Variants in DAB1 observed in about 807,000 individuals in gnomAD.
DAB1 encodes disabled homolog 1.
In DAB1, 15 loss-of-function variants were observed where a neutral mutation model predicts 64.6. The observed-to-expected ratio is 0.23, with a 90% confidence interval of 0.16 to 0.36. DAB1 has a LOEUF of 0.36. Among genes scored for constraint, DAB1 ranks in the 10% least tolerant of loss-of-function variants. DAB1 has a pLI of 1.00. For missense variants in DAB1, 596 were observed against 706.7 expected (o/e 0.84, Z 1.78); for synonymous variants, 235 against 251.9 (o/e 0.93, Z 0.64).
At chr1:58,109,928 CTG>C (rs1204680470) in intron 5 of DAB1, among the ~76,000 whole-genome samples, 5 of 152,182 alleles carry the variant, frequency 3.3e-5, no homozygotes, top group Non-Finnish European at 5.9e-5. Flanking sequence ...CTCTCCTACA[CTG>C]TGATATGTGA....
intron 3 of DAB1, among the ~76,000 whole-genome samples, chr1:58,490,715 G>A (rs931049031): frequency 4.0e-4 from 60 of 151,010 alleles, no homozygotes; most frequent in Non-Finnish European, 6.3e-4. Flanking sequence ...ACCCACAAAG[G>A]GAAGCCCATC....
chr1:57,013,966 A>G (rs977865110), intron 12 of DAB1, among the ~76,000 whole-genome samples: 2 of 152,220 alleles, frequency 1.3e-5, no homozygotes, highest in African/African-American at 2.4e-5. Context: ...TGAGTCTCAG[A>G]GAAGTCATAC....
chr1:57,236,165 G>A (rs1367032419), intron 2 of DAB1, among the ~76,000 whole-genome samples: 1 of 152,100 alleles, frequency 6.6e-6, no homozygotes. Context: ...TTTGGCCTAG[G>A]GAGATAGTTT....
At chr1:58,162,433 TCA>T (rs1317073976) in intron 4 of DAB1, among the ~76,000 whole-genome samples, 1 of 152,158 alleles carries the variant, frequency 6.6e-6, no homozygotes, top group Non-Finnish European at 1.5e-5. Flanking sequence ...TATAATTACA[TCA>T]GTTTTCATTG....
At chr1:57,516,474 T>G (rs1644465123) in intron 7 of DAB1, among the ~76,000 whole-genome samples, 1 of 152,206 alleles carries the variant, frequency 6.6e-6, no homozygotes, top group Non-Finnish European at 1.5e-5. Context: ...TTTCAAATTT[T>G]TCTAAAGCTT....
At chr1:57,089,274 C>T (rs1302219757) in intron 4 of DAB1, among the ~76,000 whole-genome samples, 1 of 152,138 alleles carries the variant, frequency 6.6e-6, no homozygotes, top group African/African-American at 2.4e-5. Context: ...TTACCTAGAA[C>T]GTATCCTGGT....
At chr1:57,599,498 G>T (rs1007029875) in intron 7 of DAB1, among the ~76,000 whole-genome samples, 1 of 151,810 alleles carries the variant, frequency 6.6e-6, no homozygotes, top group African/African-American at 2.4e-5. Flanking sequence ...CCCCACGTGG[G>T]ACCAAATCGA....
At chr1:57,870,984 C>CGTTT (rs1387617134) in intron 1 of DAB1, among the ~76,000 whole-genome samples, 5 of 152,174 alleles carry the variant, frequency 3.3e-5, no homozygotes, top group Non-Finnish European at 4.4e-5. Flanking sequence ...CACCCCAAAA[C>CGTTT]AGTAAACCAT....
intron 3 of DAB1, among the ~76,000 whole-genome samples, chr1:58,411,665 C>G (rs79146475): frequency 0.031 from 4,754 of 152,126 alleles, 101 homozygotes; most frequent in African/African-American, 0.062. Flanking sequence ...GTATACTGTT[C>G]AAAGAATTAT....
intron 2 of DAB1, among the ~76,000 whole-genome samples, chr1:57,198,720 AG>A (rs1664854426): frequency 6.6e-6 from 1 of 151,854 alleles, no homozygotes. Flanking sequence ...GAGTAAAAAA[AG>A]GTTTCCAGAG....
chr1:58,530,968 G>T (rs1311767577), intron 1 of DAB1, among the ~76,000 whole-genome samples: 1 of 152,044 alleles, frequency 6.6e-6, no homozygotes, highest in African/African-American at 2.4e-5. Context: ...TTAGTCAGAG[G>T]ATATAAACCT....
At chr1:57,635,797 A>ATAAAAC (rs1646045467) in intron 7 of DAB1, among the ~76,000 whole-genome samples, 1 of 152,124 alleles carries the variant, frequency 6.6e-6, no homozygotes, top group South Asian at 2.1e-4. Flanking sequence ...CTCTAATCTA[A>ATAAAAC]TAAAACTGGT....
At chr1:57,890,310 A>G (rs1290865263) in intron 5 of DAB1, among the ~76,000 whole-genome samples, 4 of 152,122 alleles carry the variant, frequency 2.6e-5, no homozygotes, top group Admixed American at 2.0e-4. Context: ...GCATGTGGAT[A>G]AATTGAGAAA....
rs80257986 is a variant in DAB1, at chr1:57,466,388, G to A, written n.626-175222C>T. Among the ~76,000 whole-genome samples the A allele has an allele frequency of 1.6e-3, 235 of 151,534 alleles. 4 individuals carry two copies. The East Asian group carries it at 0.043, about 28-fold the overall frequency. ...TGACCATTTTCCTTTTTTAGAATTA[G>A]GAAACTTTGGAGAAAAAAAAATCTA... is the stretch of plus-strand genomic sequence containing the variant. On this transcript the variant is annotated intron_variant and non_coding_transcript_variant, in intron 7 of 20. Coordinates refer to the DAB1 transcript ENST00000485760.
At chr1:58,266,019 T>TAC (rs920160399) in intron 4 of DAB1, among the ~76,000 whole-genome samples, 25 of 136,812 alleles carry the variant, frequency 1.8e-4, no homozygotes, top group Non-Finnish European at 2.5e-4. Flanking sequence ...TCTGTCTCTA[T>TAC]ACACACACAC....
intron 6 of DAB1, among the ~76,000 whole-genome samples, chr1:57,803,816 T>G (rs865776086): frequency 2.0e-5 from 3 of 152,238 alleles, no homozygotes; most frequent in Non-Finnish European, 4.4e-5. Context: ...CACTGATTTT[T>G]GGGACCATAT....
intron 4 of DAB1, among the ~76,000 whole-genome samples, chr1:58,161,009 C>G (rs892560461): frequency 2.0e-5 from 3 of 151,978 alleles, no homozygotes; most frequent in Non-Finnish European, 1.5e-5. Flanking sequence ...CAGTTCTAAG[C>G]TGATGCAACG....
chr1:58,340,158 A>G (rs986775618), intron 4 of DAB1, among the ~76,000 whole-genome samples: 2 of 152,270 alleles, frequency 1.3e-5, no homozygotes, highest in Non-Finnish European at 2.9e-5. Flanking sequence ...CAGACTTTTT[A>G]TTTTACCCAT....
intron 7 of DAB1, among the ~76,000 whole-genome samples, chr1:57,604,261 A>G (rs1315458271): frequency 6.6e-6 from 1 of 152,230 alleles, no homozygotes; most frequent in African/African-American, 2.4e-5. Context: ...ACTGAGCTTC[A>G]ACATCCTCAT....
Sources: allele counts gnomAD v4.1 joint callset (sites outside exome capture counted in the v4.1 genomes callset), GRCh38; gene constraint gnomAD v4.1.1; transcripts MANE v1.5; gene names NCBI Gene and HGNC (gene_info 2026-07-23, HGNC 2026-07-21).